The following ABCA4 variants were observed in gnomAD, a reference collection of about 807,000 sequenced individuals.
ABCA4 encodes retinal-specific phospholipid-transporting ATPase ABCA4.
ABCA4 carries 196 observed loss-of-function variants against 263.7 expected under a neutral mutation model. The ratio of observed to expected loss-of-function variants is 0.74; its 90% CI spans 0.66 to 0.84. The LOEUF (loss-of-function observed/expected upper bound fraction) is 0.84, where lower values mean the gene tolerates loss of function less well. Among genes scored for constraint, ABCA4 ranks in the 40% least tolerant of loss-of-function variants. The pLI, the probability that ABCA4 is intolerant of heterozygous loss-of-function variation, is 0.00. For missense variants in ABCA4, 2,792 were observed against 2,855.1 expected, an observed-to-expected ratio of 0.98 and a Z score of 0.50; for synonymous variants, 1,133 against 1,094.2, an observed-to-expected ratio of 1.04 and a Z score of -0.70.
chr1:94,013,782 C>T (rs3789391), intron 38 of ABCA4, among the ~76,000 whole-genome samples: 9,466 of 152,200 alleles, frequency 0.062, 336 homozygotes, highest in East Asian at 0.17. Context: ...GTCTCTTCAT[C>T]AAGATTAACT....
intron 16 of ABCA4, 33 bp from the exon 17 acceptor site, chr1:94,051,731 G>T: frequency 6.5e-7 from 1 of 1,541,730 alleles, no homozygotes; most frequent in South Asian, 1.1e-5. Flanking sequence ...AGAGAAAGTC[G>T]AAGGAGTCTC....
chr1:94,083,651 C>T lies in ABCA4; in HGVS notation c.769-210G>A, dbSNP rs185566364. On this transcript the variant is annotated intron_variant, in intron 6 of 49. Transcript: ENST00000370225. ...GCTCTCATTCCAAGACTCCTTGCTG[C>T]ACTTGTCAATCACAGATAGTTTCAT... Among the ~76,000 whole-genome samples the T allele has an allele frequency of 2.4e-3, 363 of 152,288 alleles. No homozygotes were observed. The highest frequency in any genetic ancestry group is 8.4e-3 in the African/African-American group (348 of 41,564).
At chr1:94,060,421 G>T in intron 14 of ABCA4, 116 bp downstream of exon 14, 1 of 968,876 alleles carries the variant, frequency 1.0e-6, no homozygotes, top group Non-Finnish European at 1.6e-6. Context: ...GGGCTGGGAA[G>T]CTAGATGTCA....
At chr1:94,004,626 T>C (rs1408383301) in intron 44 of ABCA4, among the ~76,000 whole-genome samples, 1 of 152,232 alleles carries the variant, frequency 6.6e-6, no homozygotes, top group East Asian at 1.9e-4. Flanking sequence ...TAGTTTGCTG[T>C]CAGTGTTAGG....
intron 11 of ABCA4, among the ~76,000 whole-genome samples, chr1:94,070,695 C>T (rs779099398): frequency 5.9e-5 from 9 of 152,126 alleles, no homozygotes; most frequent in South Asian, 2.1e-4. Flanking sequence ...GAAGAAGGCC[C>T]GAAACATAGG....
intron 49 of ABCA4, among the ~76,000 whole-genome samples, chr1:93,993,815 C>A (rs1658931602): frequency 6.6e-6 from 1 of 152,060 alleles, no homozygotes; most frequent in South Asian, 2.1e-4. Flanking sequence ...ACCTTTTTAA[C>A]TGGAGAGATA....
chr1:94,047,078 C>A lies in ABCA4; in HGVS notation c.2759G>T (p.Arg920Leu), dbSNP rs376526710. 2 of 1,613,986 alleles carry A rather than the reference C, an allele frequency of 1.2e-6. No individual in the cohort carries two copies. The highest frequency in any genetic ancestry group is 2.7e-5 in the African/African-American group (2 of 74,874). The change falls in exon 19 of 50, where the codon CGT (arginine) becomes CTT (leucine). Residue 920 changes from arginine to leucine, a missense_variant. By Grantham distance (102) the Arg-to-Leu change is moderately radical. Coordinates refer to ENST00000370225, the MANE Select transcript of ABCA4 (RefSeq NM_000350.3). ...PEGIHDSFFE[R>L]EHPGWVPGVC... ...CCCAGGAACCCACCCTGGATGCTCA[C>A]GTTCAAAGAAGGAGTCTTGGAGGAA...
chr1:94,044,944 C>T (rs1471678159), intron 19 of ABCA4, among the ~76,000 whole-genome samples, 200 bp from the exon 20 acceptor site: 1 of 152,232 alleles, frequency 6.6e-6, no homozygotes, highest in Admixed American at 6.5e-5. Context: ...GCCACCTCTG[C>T]CATCCTTCTC....
intron 21 of ABCA4, 150 bp downstream of exon 21, chr1:94,043,186 T>C (rs1660565969): frequency 8.5e-7 from 1 of 1,172,974 alleles, no homozygotes; most frequent in Non-Finnish European, 1.2e-6. Flanking sequence ...GAAAATGATC[T>C]GGGGGCTGCT....
At chr1:94,090,914 T>A (rs1285153898) in intron 6 of ABCA4, among the ~76,000 whole-genome samples, 1 of 152,142 alleles carries the variant, frequency 6.6e-6, no homozygotes, top group East Asian at 1.9e-4. Context: ...GAGGGAGCAG[T>A]CAGTTTCACC....
At chr1:94,099,449 A>T (rs1248415640) in intron 5 of ABCA4, among the ~76,000 whole-genome samples, 1 of 152,206 alleles carries the variant, frequency 6.6e-6, no homozygotes, top group East Asian at 1.9e-4. Flanking sequence ...TGTTGTTTGA[A>T]GCCACTAAGT....
intron 30 of ABCA4, 67 bp from the exon 31 acceptor site, chr1:94,025,115 T>A (rs560416560): frequency 1.5e-6 from 2 of 1,339,874 alleles, no homozygotes; most frequent in South Asian, 2.3e-5. Context: ...TTTGTGAAAC[T>A]GCTTGTTGTC....
chr1:94,110,810 G>A (rs867068339), intron 3 of ABCA4, among the ~76,000 whole-genome samples: 53 of 152,200 alleles, frequency 3.5e-4, no homozygotes, highest in Non-Finnish European at 6.5e-4. Flanking sequence ...TTGGAAGAGG[G>A]GTCATTGGTT....
At chr1:94,084,944 G>A (rs910170022) in intron 6 of ABCA4, among the ~76,000 whole-genome samples, 12 of 152,232 alleles carry the variant, frequency 7.9e-5, no homozygotes, top group African/African-American at 2.6e-4. Flanking sequence ...AGTCCTGCCC[G>A]TCCTCCCTCC....
chr1:94,107,748 C>T (rs1054567869), intron 4 of ABCA4, among the ~76,000 whole-genome samples: 1 of 152,166 alleles, frequency 6.6e-6, no homozygotes, highest in South Asian at 2.1e-4. Flanking sequence ...TCACCATGGC[C>T]GCATCTGGGG....
At chr1:94,028,317 G>T (rs1314356870) in intron 30 of ABCA4, among the ~76,000 whole-genome samples, 1 of 152,148 alleles carries the variant, frequency 6.6e-6, no homozygotes, top group Non-Finnish European at 1.5e-5. Context: ...CTTCTTTGAT[G>T]TCTCTAAATC....
At chr1:94,062,830 C>T (rs1051584494) in intron 12 of ABCA4, 77 bp from the exon 13 acceptor site, 20 of 1,458,112 alleles carry the variant, frequency 1.4e-5, no homozygotes, top group African/African-American at 1.3e-4. Context: ...CAGGGTGACT[C>T]GGAACTCATT....
At chr1:94,031,579 G>A (rs2101036547) in intron 27 of ABCA4, among the ~76,000 whole-genome samples, 199 bp downstream of exon 27, 1 of 152,258 alleles carries the variant, frequency 6.6e-6, no homozygotes, top group East Asian at 1.9e-4. Context: ...CTTTGCTAGG[G>A]GAGGTCCAAC....
At chr1:94,056,161 C>T (rs1365770536) in intron 15 of ABCA4, among the ~76,000 whole-genome samples, 1 of 152,198 alleles carries the variant, frequency 6.6e-6, no homozygotes. Flanking sequence ...GTTAAAGATA[C>T]TTGTGGAAAT....
Sources: allele counts gnomAD v4.1 joint callset (sites outside exome capture counted in the v4.1 genomes callset), GRCh38; gene constraint gnomAD v4.1.1; transcripts MANE v1.5; gene names NCBI Gene and HGNC (gene_info 2026-07-23, HGNC 2026-07-21).